NEBL: variants seen among roughly 807,000 people sequenced by gnomAD.
NEBL encodes the protein LIM and SH3 protein 2.
A neutral mutation model predicts 140.2 loss-of-function variants in NEBL; 122 were observed. The observed-to-expected ratio is 0.87, with a 90% CI of 0.75 to 1.01. The LOEUF is 1.01. Ranked by LOEUF, NEBL falls within the 50% of genes least tolerant of loss-of-function variation. The pLI, the probability that NEBL is intolerant of heterozygous loss-of-function variation, is 0.00. For synonymous variants in NEBL, 436 were observed against 398.9 expected (o/e 1.09, Z -1.11); for missense variants, 1,365 against 1,231.3 (o/e 1.11, Z -1.62).
At chr10:21,048,451 C>CA (rs10626391) in intron 2 of NEBL, among the ~76,000 whole-genome samples, 12,023 of 103,092 alleles carry the variant, frequency 0.12, 1,928 homozygotes, top group African/African-American at 0.39. Flanking sequence ...AAATTTCTAC[C>CA]AAAAAAAAAA....
chr10:20,993,074 C>T (rs976598214), intron 3 of NEBL, among the ~76,000 whole-genome samples: 5 of 152,008 alleles, frequency 3.3e-5, no homozygotes, highest in African/African-American at 7.2e-5. Context: ...TGAGCCACCG[C>T]GCCTGGCCTG....
intron 2 of NEBL, among the ~76,000 whole-genome samples, chr10:21,120,424 A>ATATATATATATAT (rs58547343): frequency 5.7e-4 from 76 of 133,364 alleles, no homozygotes; most frequent in Non-Finnish European, 8.2e-4. Context: ...ATATATATAT[A>ATATATATATATAT]AATTTGATCA....
intron 7 of NEBL, among the ~76,000 whole-genome samples, chr10:20,861,132 A>G (rs552046195): frequency 1.8e-4 from 27 of 152,318 alleles, no homozygotes; most frequent in African/African-American, 6.3e-4. Flanking sequence ...TTCCTTCAGT[A>G]CTTTATACAG....
intron 2 of NEBL, among the ~76,000 whole-genome samples, chr10:21,070,931 C>G (rs1032984639): frequency 1.3e-5 from 2 of 152,082 alleles, no homozygotes; most frequent in Non-Finnish European, 2.9e-5. Context: ...AACCCCAACA[C>G]TTTGGGAGAC....
chr10:20,847,038 G>A (rs922479439), intron 11 of NEBL, among the ~76,000 whole-genome samples: 3 of 151,968 alleles, frequency 2.0e-5, no homozygotes, highest in African/African-American at 7.3e-5. Context: ...GCTTTTCTTG[G>A]GATCATAAAT....
At chr10:20,866,596 C>A (rs1031627490) in intron 7 of NEBL, among the ~76,000 whole-genome samples, 1 of 152,168 alleles carries the variant, frequency 6.6e-6, no homozygotes, top group African/African-American at 2.4e-5. Flanking sequence ...TGTCCCCTGG[C>A]AGGCATACTC....
At chr10:20,810,314 G>A (rs1296786405) in intron 24 of NEBL, among the ~76,000 whole-genome samples, 1 of 152,112 alleles carries the variant, frequency 6.6e-6, no homozygotes, top group African/African-American at 2.4e-5. Flanking sequence ...TTCAGGACAT[G>A]TGAGTAATTC....
At chr10:21,020,950 T>A (rs1838766347) in intron 2 of NEBL, among the ~76,000 whole-genome samples, 1 of 152,100 alleles carries the variant, frequency 6.6e-6, no homozygotes, top group Non-Finnish European at 1.5e-5. Context: ...GAGTTTCAGA[T>A]CCAATAGCAT....
At chr10:21,060,105 G>A (rs536182681) in intron 2 of NEBL, among the ~76,000 whole-genome samples, 1 of 152,270 alleles carries the variant, frequency 6.6e-6, no homozygotes, top group Admixed American at 6.5e-5. Context: ...AATAGCAGCT[G>A]GAGATGCAGC....
At chr10:21,095,761 T>G (rs186721668) in intron 2 of NEBL, among the ~76,000 whole-genome samples, 1 of 152,334 alleles carries the variant, frequency 6.6e-6, no homozygotes, top group African/African-American at 2.4e-5. Context: ...TGAGATGTAA[T>G]ATATTCCCTT....
chr10:20,840,798 G>A lies in NEBL; in HGVS notation c.1279C>T (p.Leu427Phe), dbSNP rs770142870. 2.5e-6 allele frequency: 4 copies of A among 1,611,494 alleles called. No homozygotes were observed. The Admixed American group carries it at 6.7e-5, about 27-fold the overall frequency. Residue 427 changes from leucine to phenylalanine, a missense_variant, in exon 13 of 28, where the codon CTT becomes TTT. Physicochemically the swap from Leu to Phe is conservative, Grantham distance 22. Transcript: ENST00000377122. ...ENEIKGKGME[L>F]NSEVLDIQRA... is the part of the protein sequence containing the mutation. Reference sequence around the variant, plus strand: ...TGGATATCAAGAACTTCTGAATTAAGTTCCATTCCTTTCCCTTTTATCTCA... The same window carrying A: ...TGGATATCAAGAACTTCTGAATTAAATTCCATTCCTTTCCCTTTTATCTCA...
chr10:21,176,459 TC>T (rs1186352776), upstream of NEBL, among the ~76,000 whole-genome samples: 1 of 152,234 alleles, frequency 6.6e-6, no homozygotes, highest in Non-Finnish European at 1.5e-5. Flanking sequence ...CATTTTTTTC[TC>T]ATTTTCTACA....
intron 2 of NEBL, chr10:21,029,402 G>A: frequency 1.2e-6 from 2 of 1,611,484 alleles, no homozygotes; most frequent in Non-Finnish European, 1.7e-6. Flanking sequence ...AATCCAGAGA[G>A]GTTGAAAGGT....
chr10:21,017,864 C>T (rs1452681942), intron 3 of NEBL, among the ~76,000 whole-genome samples: 1 of 151,534 alleles, frequency 6.6e-6, no homozygotes, highest in Non-Finnish European at 1.5e-5. Context: ...TGCTCTGTTG[C>T]CCAGGCTAGA....
chr10:20,780,265 T>C lies in NEBL; in HGVS notation c.*5482A>G, dbSNP rs1834944512. 1.3e-5 allele frequency: 2 copies of C among 152,236 alleles called. No individual in the cohort carries two copies. The highest frequency in any genetic ancestry group is 4.1e-4 in the South Asian group (2 of 4,834). The allele number at this position is 152,236 out of a possible 1,614,324, so 9.4% of individuals were successfully genotyped here. A position where few individuals can be genotyped will look rare whatever the true frequency, so the allele number is the denominator to read the frequency against. The stretch of plus-strand genomic sequence containing the variant: ...AATTTGTGCACTTTCTATTCTATGC[T>C]CCAAACCATTTCTTTCATCTTATGA... On this transcript the variant is annotated 3_prime_UTR_variant, in exon 28 of 28. Transcript: ENST00000377122.
upstream of NEBL, chr10:20,899,228 G>T: frequency 3.1e-6 from 1 of 323,876 alleles, no homozygotes; most frequent in Non-Finnish European, 6.2e-6. Flanking sequence ...GAAATAGGGA[G>T]GAGTAATTTC....
chr10:20,801,806 G>A (rs1331010937), intron 26 of NEBL, among the ~76,000 whole-genome samples: 1 of 152,104 alleles, frequency 6.6e-6, no homozygotes, highest in Non-Finnish European at 1.5e-5. Context: ...AGCATCTCTT[G>A]CAACTCTTGA....
chr10:20,886,645 G>C (rs1431919550), intron 4 of NEBL, among the ~76,000 whole-genome samples: 1 of 152,178 alleles, frequency 6.6e-6, no homozygotes, highest in Non-Finnish European at 1.5e-5. Flanking sequence ...TCTGGGGCCA[G>C]ACTGCCCATA....
intron 2 of NEBL, among the ~76,000 whole-genome samples, chr10:21,128,149 A>G (rs1589262555): frequency 6.6e-6 from 1 of 152,288 alleles, no homozygotes; most frequent in South Asian, 2.1e-4. Context: ...AAGGAAACAC[A>G]AACAGTAAAT....
Sources: allele counts gnomAD v4.1 joint callset (sites outside exome capture counted in the v4.1 genomes callset), GRCh38; gene constraint gnomAD v4.1.1; transcripts MANE v1.5; gene names NCBI Gene and HGNC (gene_info 2026-07-23, HGNC 2026-07-21).